TBC1D31: variants seen among roughly 807,000 people sequenced by gnomAD.
The protein encoded by TBC1D31 is TBC1 domain family member 31.
TBC1D31 carries 99 observed loss-of-function variants against 132.9 expected under a neutral mutation model. The ratio of observed to expected loss-of-function variants is 0.74; its 90% CI spans 0.63 to 0.88. TBC1D31 has a LOEUF of 0.88. TBC1D31 is among the 40% of genes least tolerant of loss of function. The probability of loss-of-function intolerance (pLI) is 0.00; values close to 1 mark genes in which losing one functional copy is unlikely to be tolerated. For synonymous variants in TBC1D31, 385 were observed against 419.4 expected (o/e 0.92, Z 1.00); for missense variants, 1,134 against 1,256.6 (o/e 0.90, Z 1.48).
chr8:123,092,804 GCT>G (rs1816461039), intron 4 of TBC1D31, among the ~76,000 whole-genome samples: 1 of 97,426 alleles, frequency 1.0e-5, no homozygotes, highest in South Asian at 2.9e-4. Flanking sequence ...CACACACCCG[GCT>G]AATTTTTTTT....
chr8:123,110,314 G>C (rs1049504422), intron 10 of TBC1D31, among the ~76,000 whole-genome samples: 1 of 152,122 alleles, frequency 6.6e-6, no homozygotes, highest in Admixed American at 6.5e-5. Flanking sequence ...ATATGCTAGA[G>C]TCCATTCCTA....
chr8:123,123,682 GA>G (rs1345469597), intron 11 of TBC1D31: 1 of 152,462 alleles, frequency 6.6e-6, no homozygotes, highest in Non-Finnish European at 1.5e-5. Context: ...AGAAGACAAT[GA>G]ATAAGTTGGT....
chr8:123,160,159 T>C, the TBC1D31 span, among the ~76,000 whole-genome samples: 1 of 152,210 alleles, frequency 6.6e-6, no homozygotes, highest in Non-Finnish European at 1.5e-5. Context: ...AGGCTCTTCT[T>C]GGCTGTGACA....
At chr8:123,108,039 A>G (rs1563708112) in intron 8 of TBC1D31, among the ~76,000 whole-genome samples, 1 of 152,166 alleles carries the variant, frequency 6.6e-6, no homozygotes, top group Non-Finnish European at 1.5e-5. Flanking sequence ...GTTGCCCTCT[A>G]TACCTTTAAT....
chr8:123,162,779 G>A, the TBC1D31 span, among the ~76,000 whole-genome samples: 5 of 152,060 alleles, frequency 3.3e-5, no homozygotes, highest in South Asian at 2.1e-4. Flanking sequence ...TGCTAATGCC[G>A]CTTAACAAAC....
chr8:123,092,535 G>A (rs1816425311), intron 4 of TBC1D31, among the ~76,000 whole-genome samples: 1 of 151,988 alleles, frequency 6.6e-6, no homozygotes, highest in South Asian at 2.1e-4. Flanking sequence ...ATCAAATGTT[G>A]GTGAAAGTAT....
chr8:123,097,600 T>C, intron 6 of TBC1D31, 159 bp downstream of exon 6: 1 of 800,132 alleles, frequency 1.2e-6, no homozygotes, highest in South Asian at 2.9e-5. Flanking sequence ...TTGAAAAAAA[T>C]TTCAAAATCT....
At chr8:123,123,758 T>C (rs1203590074) in intron 11 of TBC1D31, 1 of 152,256 alleles carries the variant, frequency 6.6e-6, no homozygotes, top group African/African-American at 2.4e-5. Flanking sequence ...TCACTTCTTT[T>C]AAAGAAAAAA....
At chr8:123,159,230 C>G in the TBC1D31 span, among the ~76,000 whole-genome samples, 1 of 149,478 alleles carries the variant, frequency 6.7e-6, no homozygotes, top group Non-Finnish European at 1.5e-5. Context: ...ATTAACTCAC[C>G]ACTTCCACAG....
At chr8:123,147,930 A>C (rs1490141333) in intron 20 of TBC1D31, among the ~76,000 whole-genome samples, 2 of 152,098 alleles carry the variant, frequency 1.3e-5, no homozygotes, top group Non-Finnish European at 2.9e-5. Flanking sequence ...GTTTGAGACC[A>C]GCCTGGCCAA....
At chr8:123,072,943 G>C (rs908849151) in intron 1 of TBC1D31, 97 bp downstream of exon 1, 1 of 1,267,410 alleles carries the variant, frequency 7.9e-7, no homozygotes, top group Non-Finnish European at 1.1e-6. Context: ...TTCTGGCTCT[G>C]ACCTTGCCCC....
intron 2 of TBC1D31, among the ~76,000 whole-genome samples, chr8:123,078,329 A>T (rs1304029248): frequency 1.3e-5 from 2 of 152,218 alleles, no homozygotes; most frequent in Non-Finnish European, 2.9e-5. Context: ...AGAGACTTAC[A>T]TATATGGAGG....
At chr8:123,138,438 C>T (rs1821309343) in intron 17 of TBC1D31, among the ~76,000 whole-genome samples, 1 of 151,868 alleles carries the variant, frequency 6.6e-6, no homozygotes, top group Non-Finnish European at 1.5e-5. Flanking sequence ...AGAAAAAATC[C>T]CTCGAGAAAT....
At position 123,109,390 on chromosome 8, in the gene TBC1D31, A is replaced by C; in HGVS notation, c.1283A>C (p.Lys428Thr). The change falls in exon 9 of 22, where the codon AAA (lysine) becomes ACA (threonine). Residue 428 changes from lysine to threonine, a missense_variant. Physicochemically the swap from Lys to Thr is moderately conservative, Grantham distance 78. Coordinates refer to ENST00000287380, the MANE Select transcript of TBC1D31 (RefSeq NM_145647.4). ...LLKGYGEYPT[K>T]YRMFIWRSLL... ...AAAGGCTATGGTGAATATCCAACAA[A>C]ATACAGGTACAATTTAAATTCTGTA... The C allele has an allele frequency of 6.2e-7, 1 of 1,610,670 alleles. No individual in the cohort carries two copies. The highest frequency in any genetic ancestry group is 1.7e-5 in the Admixed American group (1 of 59,668).
intron 7 of TBC1D31, chr8:123,102,210 T>C (rs758535323): frequency 1.8e-5 from 8 of 456,512 alleles, no homozygotes; most frequent in South Asian, 1.2e-4. Context: ...ACAGAGACTT[T>C]GATGATCACC....
intron 17 of TBC1D31, among the ~76,000 whole-genome samples, chr8:123,137,254 C>T (rs1261898629): frequency 6.6e-6 from 1 of 152,154 alleles, no homozygotes; most frequent in Non-Finnish European, 1.5e-5. Flanking sequence ...CATGTATGTA[C>T]CTTCTCCTTC....
At chr8:123,162,272 T>C in the TBC1D31 span, among the ~76,000 whole-genome samples, 31 of 152,090 alleles carry the variant, frequency 2.0e-4, no homozygotes, top group African/African-American at 7.5e-4. Flanking sequence ...TAGAGTTTAT[T>C]AGAAGCCCAT....
intron 10 of TBC1D31, among the ~76,000 whole-genome samples, chr8:123,115,957 AG>A (rs1163780918): frequency 3.3e-5 from 5 of 152,132 alleles, no homozygotes; most frequent in African/African-American, 4.8e-5. Flanking sequence ...TCTTTTGGGG[AG>A]GGGGACAGTT....
Position 123,142,254 on chromosome 8 carries a change from T to G in TBC1D31, c.2641-8T>G. 6.4e-7 allele frequency: 1 copy of G among 1,562,020 alleles called. No homozygotes were observed. The highest frequency in any genetic ancestry group is 8.6e-7 in the Non-Finnish European group (1 of 1,158,286). On this transcript the variant is annotated splice_polypyrimidine_tract_variant and splice_region_variant and intron_variant, in intron 18 of 21. Transcript: ENST00000287380. Reference sequence around the variant, plus strand: ...ACCTTGTTTCTGAAATGTATAACTTTTTCCTAGGTGATTAAAGAAAATTTG... The same window carrying G: ...ACCTTGTTTCTGAAATGTATAACTTGTTCCTAGGTGATTAAAGAAAATTTG...
Sources: gnomAD v4.1 joint callset for allele counts (sites outside exome capture counted in the v4.1 genomes callset) on GRCh38, gnomAD v4.1.1 for gene constraint, MANE v1.5 for transcripts, NCBI Gene and HGNC (gene_info 2026-07-23, HGNC 2026-07-21) for gene names.